Variants in GRID1 observed in about 807,000 individuals in gnomAD.
The protein encoded by GRID1 is glutamate ionotropic receptor delta type subunit 1.
Under a neutral mutation model 98.0 loss-of-function variants are expected in GRID1, and 28 were observed. That is an observed-to-expected ratio of 0.29 (90% CI 0.21 to 0.39). The LOEUF (loss-of-function observed/expected upper bound fraction) is 0.39, where lower values mean the gene tolerates loss of function less well. Among genes scored for constraint, GRID1 ranks in the 10% least tolerant of loss-of-function variants. GRID1 has a pLI of 1.00. For missense variants in GRID1, 1,111 were observed against 1,340.5 expected (o/e 0.83, Z 2.67); for synonymous variants, 553 against 538.5 (o/e 1.03, Z -0.37).
intron 12 of GRID1, among the ~76,000 whole-genome samples, chr10:85,653,947 C>T (rs1291531697): frequency 6.6e-6 from 1 of 152,100 alleles, no homozygotes; most frequent in South Asian, 2.1e-4. Context: ...TTAAGGTATT[C>T]TGTTATAAGC....
At chr10:86,007,801 T>G (rs975044844) in intron 4 of GRID1, among the ~76,000 whole-genome samples, 1 of 149,790 alleles carries the variant, frequency 6.7e-6, no homozygotes, top group Non-Finnish European at 1.5e-5. Context: ...CTCAGTTTTG[T>G]TTTTTTTGTT....
intron 5 of GRID1, among the ~76,000 whole-genome samples, chr10:85,880,195 A>G (rs547513924): frequency 1.3e-5 from 2 of 152,376 alleles, no homozygotes; most frequent in African/African-American, 4.8e-5. Context: ...CCACAGGTAC[A>G]AGGAGGAGCT....
intron 5 of GRID1, among the ~76,000 whole-genome samples, chr10:85,877,713 C>A (rs567369939): frequency 2.0e-5 from 3 of 152,028 alleles, no homozygotes; most frequent in African/African-American, 7.2e-5. Flanking sequence ...AAGCAGAGCA[C>A]CTCTCCTCCT....
intron 5 of GRID1, among the ~76,000 whole-genome samples, chr10:85,897,954 C>T (rs938321227): frequency 1.3e-5 from 2 of 152,072 alleles, no homozygotes; most frequent in African/African-American, 4.8e-5. Context: ...TTTTGGATTC[C>T]ACATGCAGTC....
chr10:86,299,622 A>C (rs1416648146), intron 2 of GRID1, among the ~76,000 whole-genome samples: 2 of 152,004 alleles, frequency 1.3e-5, no homozygotes, highest in Non-Finnish European at 2.9e-5. Flanking sequence ...CAATGACAAC[A>C]CTTGGACACA....
At chr10:86,119,248 T>C (rs1039278278) in intron 4 of GRID1, among the ~76,000 whole-genome samples, 3 of 152,100 alleles carry the variant, frequency 2.0e-5, no homozygotes, top group African/African-American at 2.4e-5. Context: ...AATGGGAAGA[T>C]TGCTTGAGCC....
At chr10:85,917,667 G>A (rs1356966507) in intron 4 of GRID1, among the ~76,000 whole-genome samples, 1 of 152,234 alleles carries the variant, frequency 6.6e-6, no homozygotes, top group East Asian at 1.9e-4. Context: ...AATGACCCTA[G>A]GTCTGCATGG....
chr10:86,073,844 T>A (rs953036842), intron 4 of GRID1, among the ~76,000 whole-genome samples: 7 of 152,212 alleles, frequency 4.6e-5, no homozygotes, highest in African/African-American at 1.7e-4. Context: ...ACTGAGCACC[T>A]GGGCTCTCTC....
intron 12 of GRID1, among the ~76,000 whole-genome samples, chr10:85,651,643 G>A (rs561339624): frequency 2.9e-4 from 44 of 152,258 alleles, no homozygotes; most frequent in East Asian, 3.9e-4. Flanking sequence ...TTTGTGGGTC[G>A]TCATAGTAAC....
In GRID1 at chr10:86,206,797, C is replaced by A. The variant is rs1846032636; in HGVS notation, c.236-149G>T. 2 of 654,976 alleles carry A rather than the reference C, an allele frequency of 3.1e-6. No homozygotes were observed. The highest frequency in any genetic ancestry group is 2.6e-6 in the Non-Finnish European group (1 of 385,560). The allele number at this position is 654,976 out of a possible 1,614,324, so 40.6% of individuals were successfully genotyped here. A position where few individuals can be genotyped will look rare whatever the true frequency, so the allele number is the denominator to read the frequency against. On this transcript the variant is annotated intron_variant, in intron 2 of 15. Coordinates refer to ENST00000327946, the MANE Select transcript of GRID1 (RefSeq NM_017551.3). This position sits in a 1 kb window ranked among gnomAD's most constrained non-coding sequence, Gnocchi z 4.1. The stretch of plus-strand genomic sequence containing the variant: ...AGGACCAAGAACCATCCTGGGCAGG[C>A]CAGTGGCTCTCATAAGCACAGCCTC...
intron 4 of GRID1, among the ~76,000 whole-genome samples, chr10:85,980,396 A>G (rs1842530107): frequency 6.6e-6 from 1 of 152,226 alleles, no homozygotes; most frequent in Non-Finnish European, 1.5e-5. Context: ...AGATACAAGG[A>G]AACTTATGTT....
intron 4 of GRID1, among the ~76,000 whole-genome samples, chr10:85,935,502 C>T (rs1170531011): frequency 6.6e-6 from 1 of 152,182 alleles, no homozygotes; most frequent in African/African-American, 2.4e-5. Flanking sequence ...CCTCCACATG[C>T]CTCAGAGCTG....
In GRID1 at chr10:86,073,993, G is replaced by A. The variant is rs918923153; in HGVS notation, c.726+64826C>T. On this transcript the variant is annotated intron_variant, in intron 4 of 15. Transcript: ENST00000327946. Reference sequence around the variant, plus strand: ...GAAATTCCCATTATTCTGAGTAGAAGTAGCCAAGAAATCAAGTGACAGCCA... The same window carrying A: ...GAAATTCCCATTATTCTGAGTAGAAATAGCCAAGAAATCAAGTGACAGCCA... 4.4e-5 allele frequency among the ~76,000 whole-genome samples: 6 copies of A among 136,394 alleles called. No homozygotes were observed. In the South Asian group the frequency reaches 1.3e-3, roughly 29 times the overall value. 89.5% of individuals were successfully genotyped at this position (136,394 alleles called of 152,430 possible). A position where few individuals can be genotyped will look rare whatever the true frequency, so the allele number is the denominator to read the frequency against.
chr10:86,145,270 T>C (rs898778077), intron 3 of GRID1, among the ~76,000 whole-genome samples: 2 of 152,168 alleles, frequency 1.3e-5, no homozygotes, highest in Middle Eastern at 3.2e-3. Flanking sequence ...TTGCCCAGGC[T>C]GGAATGCAGT....
intron 4 of GRID1, among the ~76,000 whole-genome samples, chr10:86,023,561 A>G (rs1843077754): frequency 6.6e-6 from 1 of 151,950 alleles, no homozygotes; most frequent in African/African-American, 2.4e-5. Flanking sequence ...CCCTCTCTTG[A>G]ACACCATTTC....
intron 7 of GRID1, among the ~76,000 whole-genome samples, chr10:85,855,113 A>G (rs577115990): frequency 3.8e-4 from 58 of 152,342 alleles, no homozygotes; most frequent in African/African-American, 1.2e-3. Context: ...TGGCTTTGCC[A>G]CCTGTGCCAC....
At chr10:86,294,964 G>A (rs1847566954) in intron 2 of GRID1, among the ~76,000 whole-genome samples, 1 of 152,162 alleles carries the variant, frequency 6.6e-6, no homozygotes, top group Non-Finnish European at 1.5e-5. Context: ...AACAGTGGGG[G>A]CGGGACAGGT....
chr10:86,045,520 G>C (rs1378834996), intron 4 of GRID1, among the ~76,000 whole-genome samples: 1 of 152,174 alleles, frequency 6.6e-6, no homozygotes, highest in East Asian at 1.9e-4. Context: ...GGGTAGCCTG[G>C]CTCCAAAGCT....
intron 4 of GRID1, among the ~76,000 whole-genome samples, chr10:85,952,981 T>C (rs1842144391): frequency 6.6e-6 from 1 of 152,234 alleles, no homozygotes; most frequent in Non-Finnish European, 1.5e-5. Context: ...TTTTTTCTTA[T>C]AATTTTATCA....
Sources: allele counts gnomAD v4.1 joint callset (sites outside exome capture counted in the v4.1 genomes callset), GRCh38; gene constraint gnomAD v4.1.1; non-coding constraint Gnocchi (gnomAD v3.1); transcripts MANE v1.5; gene names NCBI Gene and HGNC (gene_info 2026-07-23, HGNC 2026-07-21).